Variants in HEMK2 observed in about 807,000 individuals in gnomAD.
The protein encoded by HEMK2 is methyltransferase HEMK2.
At chr21:28,629,884 T>A in the HEMK2 span, among the ~76,000 whole-genome samples, 1 of 151,580 alleles carries the variant, frequency 6.6e-6, no homozygotes, top group Non-Finnish European at 1.5e-5. Flanking sequence ...CCAGAGGGAA[T>A]CAGTACAGCT....
chr21:28,830,785 G>C, the HEMK2 span, among the ~76,000 whole-genome samples: 124 of 151,822 alleles, frequency 8.2e-4, no homozygotes, highest in African/African-American at 2.9e-3. Context: ...GCTGAGGCAG[G>C]AGAATCGCTT....
the HEMK2 span, among the ~76,000 whole-genome samples, chr21:28,842,166 A>T: frequency 6.6e-6 from 1 of 152,328 alleles, no homozygotes; most frequent in African/African-American, 2.4e-5. Flanking sequence ...AAACAGCAAC[A>T]TGCATATCAA....
the HEMK2 span, among the ~76,000 whole-genome samples, chr21:28,767,019 T>C: frequency 1.3e-5 from 2 of 152,082 alleles, no homozygotes; most frequent in Non-Finnish European, 2.9e-5. Flanking sequence ...CAATGTGTTG[T>C]GGGAGGGACC....
the HEMK2 span, among the ~76,000 whole-genome samples, chr21:28,714,318 T>C: frequency 7.9e-4 from 120 of 152,344 alleles, no homozygotes; most frequent in Non-Finnish European, 1.3e-3. Context: ...TCTTTGCCTC[T>C]GTTCTCCTTA....
At chr21:28,620,176 T>G in the HEMK2 span, among the ~76,000 whole-genome samples, 1 of 152,172 alleles carries the variant, frequency 6.6e-6, no homozygotes. Flanking sequence ...TTGCCAGTAT[T>G]TTATTGAGGA....
chr21:28,862,595 C>T, the HEMK2 span, among the ~76,000 whole-genome samples: 2 of 121,406 alleles, frequency 1.6e-5, no homozygotes, highest in Admixed American at 7.6e-5. Flanking sequence ...GCTGAGATTG[C>T]GCCACTGCAG....
At chr21:28,626,861 T>C in the HEMK2 span, among the ~76,000 whole-genome samples, 399 of 152,314 alleles carry the variant, frequency 2.6e-3, 2 homozygotes, top group Non-Finnish European at 3.4e-3. Context: ...CATATACTTA[T>C]ATGACCCAAC....
At chr21:28,577,364 T>C in the HEMK2 span, 1 of 152,298 alleles carries the variant, frequency 6.6e-6, no homozygotes, top group Admixed American at 6.5e-5. Context: ...TTCCTCACAG[T>C]TCCCATTCTT....
chr21:28,846,450 C>T, the HEMK2 span, among the ~76,000 whole-genome samples: 2 of 152,088 alleles, frequency 1.3e-5, no homozygotes, highest in Non-Finnish European at 2.9e-5. Flanking sequence ...TGTAACCTTG[C>T]CAGCATCTAT....
the HEMK2 span, among the ~76,000 whole-genome samples, chr21:28,689,511 T>C: frequency 1.3e-5 from 2 of 152,170 alleles, no homozygotes; most frequent in Admixed American, 6.5e-5. Flanking sequence ...AGTAATTTTT[T>C]AGCCTTCATA....
At chr21:28,750,700 CAAAAAAAAAA>C in the HEMK2 span, among the ~76,000 whole-genome samples, 1 of 80,386 alleles carries the variant, frequency 1.2e-5, no homozygotes, top group African/African-American at 4.6e-5. Context: ...GGCTCCATCT[CAAAAAAAAAA>C]AAAAAAAAAA....
the HEMK2 span, among the ~76,000 whole-genome samples, chr21:28,854,943 A>G: frequency 2.0e-5 from 3 of 152,232 alleles, no homozygotes; most frequent in Non-Finnish European, 4.4e-5. Flanking sequence ...GACACTATAA[A>G]GCAGCCACAC....
the HEMK2 span, among the ~76,000 whole-genome samples, chr21:28,655,471 T>C: frequency 6.6e-6 from 1 of 152,100 alleles, no homozygotes; most frequent in Admixed American, 6.6e-5. Context: ...TACATTTTCT[T>C]TTCCAAATCC....
At chr21:28,688,121 A>T in the HEMK2 span, among the ~76,000 whole-genome samples, 1 of 152,186 alleles carries the variant, frequency 6.6e-6, no homozygotes, top group East Asian at 1.9e-4. Flanking sequence ...TGATTTTTCA[A>T]CCAGGATTCC....
chr21:28,716,952 A>C, the HEMK2 span, among the ~76,000 whole-genome samples: 1 of 152,334 alleles, frequency 6.6e-6, no homozygotes, highest in South Asian at 2.1e-4. Context: ...CCAACCTTGC[A>C]TCCCAAGAAT....
chr21:28,583,874 A>G, the HEMK2 span, among the ~76,000 whole-genome samples: 1 of 152,232 alleles, frequency 6.6e-6, no homozygotes, highest in African/African-American at 2.4e-5. Flanking sequence ...CTCTCTGTTA[A>G]TATAACTTTA....
chr21:28,780,897 A>G, the HEMK2 span, among the ~76,000 whole-genome samples: 1 of 152,098 alleles, frequency 6.6e-6, no homozygotes, highest in Admixed American at 6.5e-5. Context: ...CTATGATGTC[A>G]CTGCTCAGGG....
At chr21:28,805,670 CT>C in the HEMK2 span, among the ~76,000 whole-genome samples, 1 of 151,306 alleles carries the variant, frequency 6.6e-6, no homozygotes, top group Non-Finnish European at 1.5e-5. Context: ...AAAAGCTGTG[CT>C]TTTTTTTTCT....
At chr21:28,606,038 T>C in the HEMK2 span, among the ~76,000 whole-genome samples, 3 of 152,146 alleles carry the variant, frequency 2.0e-5, no homozygotes, top group Admixed American at 2.0e-4. Flanking sequence ...TCACACAACC[T>C]GTTGCAGGAT....
Sources: allele counts gnomAD v4.1 joint callset (sites outside exome capture counted in the v4.1 genomes callset), GRCh38; gene constraint gnomAD v4.1.1; transcripts MANE v1.5; gene names NCBI Gene and HGNC (gene_info 2026-07-23, HGNC 2026-07-21).